NTAN1: variants seen among roughly 807,000 people sequenced by gnomAD.
NTAN1 encodes the protein N-terminal asparagine amidase.
NTAN1 carries 32 observed loss-of-function variants against 41.9 expected under a neutral mutation model. The observed-to-expected ratio is 0.76, with a 90% CI of 0.58 to 1.03. The LOEUF is 1.03. Among genes scored for constraint, NTAN1 ranks in the 50% least tolerant of loss-of-function variants. NTAN1 has a pLI of 0.00. For synonymous variants in NTAN1, 140 were observed against 139.5 expected (o/e 1.00, Z -0.03); for missense variants, 377 against 377.5 (o/e 1.00, Z 0.01).
rs764580920 is a variant in NTAN1, at chr16:15,044,383, G to T, written c.384C>A (p.Gly128=). ...GTGACAACTGCCTGTCGTCACTGAA[G>T]CCTCCAACAAGGTGTACTTCCAGCC... ...CGRLEVHLVG[G]FSDDRQLSQK... Residue 128 remains glycine, a synonymous_variant, in exon 5 of 10, where the codon GGC becomes GGA. Coordinates refer to ENST00000287706, the MANE Select transcript of NTAN1 (RefSeq NM_173474.4). The T allele has an allele frequency of 1.6e-5, 26 of 1,613,192 alleles. No individual in the cohort carries two copies. The highest frequency in any genetic ancestry group is 2.2e-5 in the Non-Finnish European group (26 of 1,179,300).
intron 5 of NTAN1, among the ~76,000 whole-genome samples, chr16:15,043,393 A>G (rs2043912679): frequency 1.3e-5 from 2 of 152,206 alleles, no homozygotes; most frequent in African/African-American, 4.8e-5. Flanking sequence ...AAAATTTAAA[A>G]ATCAGCTGGG....
chr16:15,039,919 T>C lies in NTAN1; in HGVS notation c.639+50A>G, dbSNP rs200454068. Reference sequence around the variant, plus strand: ...TCCCAAAAACTTAAGGCCTTGACATTTGATGCCTTTTTTTTTTTAACCCCT... The same window carrying C: ...TCCCAAAAACTTAAGGCCTTGACATCTGATGCCTTTTTTTTTTTAACCCCT... On this transcript the variant is annotated intron_variant, in intron 8 of 9. Coordinates refer to ENST00000287706, the MANE Select transcript of NTAN1 (RefSeq NM_173474.4). 106 of 1,065,524 alleles carry C rather than the reference T, an allele frequency of 9.9e-5. No individual in the cohort carries two copies. The Middle Eastern group carries it at 1.2e-3, about 12-fold the overall frequency. 66.0% of individuals were successfully genotyped at this position (1,065,524 alleles called of 1,614,324 possible).
intron 5 of NTAN1, among the ~76,000 whole-genome samples, chr16:15,042,899 ATT>A (rs1193801850): frequency 4.1e-5 from 5 of 121,460 alleles, no homozygotes; most frequent in African/African-American, 3.1e-5. Flanking sequence ...TGCCCAGCTA[ATT>A]TTTTTTTTTT....
At chr16:15,048,199 C>T (rs142935489) in intron 1 of NTAN1, 100 bp from the exon 2 acceptor site, 59 of 752,640 alleles carry the variant, frequency 7.8e-5, no homozygotes, top group Non-Finnish European at 1.2e-4. Flanking sequence ...GTGGGCAGCA[C>T]GCTAGTGTGT....
chr16:15,055,125 T>C (rs1228580420), intron 1 of NTAN1, among the ~76,000 whole-genome samples: 1 of 152,180 alleles, frequency 6.6e-6, no homozygotes, highest in Non-Finnish European at 1.5e-5. Flanking sequence ...AAGGAACTGA[T>C]TGATTCCCCT....
At position 15,038,093 on chromosome 16, in the gene NTAN1, C is replaced by T. The variant is rs757307465; in HGVS notation, c.871G>A (p.Ala291Thr). The T allele has an allele frequency of 6.2e-7, 1 of 1,612,770 alleles. No individual in the cohort carries two copies. Among genetic ancestry groups the T allele is most frequent in the East Asian group, 2.2e-5 (1 of 44,844 alleles). ...PAHTLFSGNK[A>T]LLYKKNEDGL... is the part of the protein sequence containing the mutation. ...TCTTCATTTTTTTTGTAGAGTAGGGCTTTATTTCCAGAAAACAGTGTGTGA... is the reference window on the plus strand; with the variant it reads ...TCTTCATTTTTTTTGTAGAGTAGGGTTTTATTTCCAGAAAACAGTGTGTGA... Residue 291 changes from alanine (A) to threonine (T), a missense_variant, in exon 10 of 10, where the codon GCC becomes ACC. By Grantham distance (58) the Ala-to-Thr change is moderately conservative (BLOSUM62 0). Coordinates refer to ENST00000287706, the MANE Select transcript of NTAN1 (RefSeq NM_173474.4).
intron 5 of NTAN1, among the ~76,000 whole-genome samples, chr16:15,042,642 C>G (rs141809262): frequency 3.7e-4 from 56 of 152,306 alleles, no homozygotes; most frequent in South Asian, 1.0e-3. Context: ...TCTTCAGGTT[C>G]AAATCTCTAT....
chr16:15,038,828 T>C, intron 8 of NTAN1, 141 bp from the exon 9 acceptor site: 1 of 583,520 alleles, frequency 1.7e-6, no homozygotes, highest in Non-Finnish European at 3.0e-6. Flanking sequence ...TAACAAAAGC[T>C]GCCAGCTACT....
At chr16:15,039,291 T>G (rs2043699182) in intron 8 of NTAN1, among the ~76,000 whole-genome samples, 1 of 152,182 alleles carries the variant, frequency 6.6e-6, no homozygotes, top group East Asian at 1.9e-4. Flanking sequence ...CTAAAAATGT[T>G]AAAAGGGTTG....
rs762246866 is a variant in NTAN1 at position 15,038,555 on chromosome 16, C to G, written c.753+19G>C. The G allele has an allele frequency of 1.8e-5, 24 of 1,342,962 alleles. 1 individual carries two copies. In the South Asian group the frequency reaches 2.6e-4, roughly 15 times the overall value. The allele number at this position is 1,342,962 out of a possible 1,614,324, so 83.2% of individuals were successfully genotyped here. A position where few individuals can be genotyped will look rare whatever the true frequency, so the allele number is the denominator to read the frequency against. On this transcript the variant is annotated intron_variant, in intron 9 of 9. Transcript: ENST00000287706. ...CAGGGTGCAGAGATTTAAGACTTACCCAGCCTGTAAACTCTCACCTCTAGT... is the reference window on the plus strand; with the variant it reads ...CAGGGTGCAGAGATTTAAGACTTACGCAGCCTGTAAACTCTCACCTCTAGT...
intron 4 of NTAN1, among the ~76,000 whole-genome samples, chr16:15,046,244 C>T (rs2044055919): frequency 6.6e-6 from 1 of 152,258 alleles, no homozygotes; most frequent in Admixed American, 6.5e-5. Flanking sequence ...TAGCAAATCT[C>T]TCCCAGAGAA....
rs959413405 is a variant in NTAN1, at chr16:15,055,963, C to A, written c.9G>T (p.Leu3=). 9.8e-6 allele frequency: 12 copies of A among 1,226,442 alleles called. No homozygotes were observed. The highest frequency in any genetic ancestry group is 6.3e-4 in the Middle Eastern group (2 of 3,190). The allele number at this position is 1,226,442 out of a possible 1,614,324, so 76.0% of individuals were successfully genotyped here. A position where few individuals can be genotyped will look rare whatever the true frequency, so the allele number is the denominator to read the frequency against. Residue 3 remains leucine (L), a synonymous_variant, in exon 1 of 10, where the codon CTG becomes CTT. Coordinates refer to ENST00000287706, the MANE Select transcript of NTAN1 (RefSeq NM_173474.4). MP[L]LVEGRRVRLP... ...GCCGCACTCGCCGCCCCTCGACGAG[C>A]AGCGGCATCGCGGAGGCGGCCGCCC...
chr16:15,046,684 AC>A (rs1350706550), intron 4 of NTAN1, among the ~76,000 whole-genome samples: 1 of 134,770 alleles, frequency 7.4e-6, no homozygotes, highest in East Asian at 2.2e-4. Flanking sequence ...ACTTGGCAAA[AC>A]CCTGTCTCTA....
chr16:15,044,274 A>C (rs2043952696), intron 5 of NTAN1, 60 bp downstream of exon 5: 10 of 1,198,934 alleles, frequency 8.3e-6, no homozygotes, highest in East Asian at 4.7e-5. Flanking sequence ...TTTTAACCCA[A>C]GCAAATATGG....
chr16:15,055,708 G>C (rs1047086892), intron 1 of NTAN1, 183 bp downstream of exon 1: 1 of 376,354 alleles, frequency 2.7e-6, no homozygotes. Context: ...GGGGCAGCCC[G>C]CTGAAGTCTA....
chr16:15,047,789 G>T, intron 3 of NTAN1, 66 bp downstream of exon 3: 1 of 1,350,028 alleles, frequency 7.4e-7, no homozygotes, highest in Non-Finnish European at 1.1e-6. Flanking sequence ...CTCAACACGA[G>T]AAATTCAATG....
Position 15,056,028 on chromosome 16 carries a change from C to A in NTAN1, c.-57G>T. ...AGGCGGCGGCCCCCCGCTTTGCAGC[C>A]CCGGGCCGCCCGCCGCCCCCGCCCC... On this transcript the variant is annotated 5_prime_UTR_variant, in exon 1 of 10. Coordinates refer to ENST00000287706, the MANE Select transcript of NTAN1 (RefSeq NM_173474.4). 1 of 834,414 alleles carries A rather than the reference C, an allele frequency of 1.2e-6. No homozygotes were observed. Among genetic ancestry groups the A allele is most frequent in the African/African-American group, 1.8e-5 (1 of 55,228 alleles). 51.7% of individuals were successfully genotyped at this position (834,414 alleles called of 1,614,324 possible). A position where few individuals can be genotyped will look rare whatever the true frequency, so the allele number is the denominator to read the frequency against.
At chr16:15,039,836 T>C (rs2043728757) in intron 8 of NTAN1, 133 bp downstream of exon 8, 1 of 662,134 alleles carries the variant, frequency 1.5e-6, no homozygotes. Flanking sequence ...TATATGTATG[T>C]GCTGGTCCCT....
In NTAN1 at chr16:15,038,683, ATCATC is replaced by A; in HGVS notation, c.640-1_643del. On this transcript the variant is annotated splice_acceptor_variant and coding_sequence_variant, in exon 9 of 10. Coordinates refer to ENST00000287706, the MANE Select transcript of NTAN1 (RefSeq NM_173474.4). LOFTEE classifies it high-confidence loss of function. ...TTCTGTCTCTGCATCATAAATGCTA[ATCATC>A]TAAAAAAGAACGTGTCAAGGATAGA... 1 of 1,538,690 alleles carries A rather than the reference ATCATC, an allele frequency of 6.5e-7. No homozygotes were observed. Among genetic ancestry groups the A allele is most frequent in the Non-Finnish European group, 8.9e-7 (1 of 1,117,408 alleles).
Sources: gnomAD v4.1 joint callset for allele counts (sites outside exome capture counted in the v4.1 genomes callset) on GRCh38, gnomAD v4.1.1 for gene constraint, MANE v1.5 for transcripts, NCBI Gene and HGNC (gene_info 2026-07-23, HGNC 2026-07-21) for gene names.